Variants in DEPDC4 observed in about 807,000 individuals in gnomAD.
The protein encoded by DEPDC4 is DEP domain-containing protein 4.
DEPDC4 carries 52 observed loss-of-function variants against 52.0 expected under a neutral mutation model. The observed-to-expected ratio is 1.00, with a 90% confidence interval of 0.80 to 1.26. The LOEUF is 1.26. DEPDC4 is among the 50% of genes most tolerant of loss of function. The pLI is 0.00. For missense variants in DEPDC4, 530 were observed against 546.9 expected, an observed-to-expected ratio of 0.97 and a Z score of 0.31; for synonymous variants, 201 against 196.8, an observed-to-expected ratio of 1.02 and a Z score of -0.18.
the DEPDC4 span, among the ~76,000 whole-genome samples, chr12:100,275,346 CAT>C: frequency 1.3e-5 from 2 of 152,042 alleles, no homozygotes; most frequent in Non-Finnish European, 2.9e-5. Flanking sequence ...GGACTGCAGA[CAT>C]GTGCTACTGC....
intron 3 of DEPDC4, among the ~76,000 whole-genome samples, chr12:100,259,070 CAA>C (rs753948687): frequency 1.6e-5 from 2 of 121,688 alleles, no homozygotes; most frequent in Non-Finnish European, 1.8e-5. Flanking sequence ...AAATCTGTCT[CAA>C]AAAAAAAAAA....
At chr12:100,245,628 T>C (rs1481062496) in intron 8 of DEPDC4, among the ~76,000 whole-genome samples, 1 of 152,150 alleles carries the variant, frequency 6.6e-6, no homozygotes, top group East Asian at 1.9e-4. Context: ...TCCTAAATAT[T>C]TCTCAAACTG....
At chr12:100,269,659 G>T (rs1000755773), upstream of DEPDC4, among the ~76,000 whole-genome samples, 2 of 152,154 alleles carry the variant, frequency 1.3e-5, no homozygotes, top group African/African-American at 4.8e-5. Context: ...GTTAGGGTGG[G>T]TAGTTAGTTG....
chr12:100,275,653 C>T, the DEPDC4 span, among the ~76,000 whole-genome samples: 15 of 152,096 alleles, frequency 9.9e-5, no homozygotes, highest in South Asian at 2.1e-4. Flanking sequence ...TCTTTGCAGT[C>T]CGAATGCCTT....
chr12:100,259,544 C>T (rs2096246598), intron 3 of DEPDC4, among the ~76,000 whole-genome samples: 1 of 152,180 alleles, frequency 6.6e-6, no homozygotes. Context: ...TTACATACCT[C>T]AACTCTGAAT....
Position 100,252,284 on chromosome 12 carries a change from C to A in DEPDC4, c.1266G>T (p.Val422=), listed in dbSNP as rs1401094855. 2 of 1,436,590 alleles carry A rather than the reference C, an allele frequency of 1.4e-6. No homozygotes were observed. The highest frequency in any genetic ancestry group is 1.5e-5 in the African/African-American group (1 of 68,930). 89.0% of individuals were successfully genotyped at this position (1,436,590 alleles called of 1,614,324 possible). A position where few individuals can be genotyped will look rare whatever the true frequency, so the allele number is the denominator to read the frequency against. ...CTGATTTGGCAAGAGTTTTCAGGAC[C>A]ACTGTTTTATTATCATACTGTAAAC... The part of the protein sequence containing the change: ...KLQKQYDNKT[V]VLKTLAKSVL... The change falls in exon 7 of 10, where the codon GTG becomes GTT. Residue 422 remains valine, a synonymous_variant. Coordinates refer to ENST00000550587, the MANE Select transcript of DEPDC4 (RefSeq NM_001364818.2).
upstream of DEPDC4, among the ~76,000 whole-genome samples, chr12:100,271,260 C>CAAAAAAAAAAAAA (rs11354103): frequency 2.4e-5 from 2 of 83,338 alleles, no homozygotes; most frequent in African/African-American, 1.1e-4. Context: ...TGCAGAGCAG[C>CAAAAAAAAAAAAA]AAAAAAAAAA....
chr12:100,262,384 G>A lies in DEPDC4; in HGVS notation c.580C>T (p.Pro194Ser), dbSNP rs1220625685. The change falls in exon 3 of 10, where the codon CCT becomes TCT. Residue 194 changes from proline (P) to serine (S), a missense_variant. Pro to Ser is a moderately conservative substitution (Grantham distance 74, BLOSUM62 -1). Transcript: ENST00000550587. ...TCCTCACCAATCTCCTGTGCTAGAGGATTTGAAATCATTTCATATCCTGGT... is the reference window on the plus strand; with the variant it reads ...TCCTCACCAATCTCCTGTGCTAGAGAATTTGAAATCATTTCATATCCTGGT... The part of the protein sequence containing the change: ...LRPGYEMISN[P>S]LAQEIGEERI... The A allele has an allele frequency of 1.9e-6, 3 of 1,608,656 alleles. No individual in the cohort carries two copies. Among genetic ancestry groups the A allele is most frequent in the African/African-American group, 1.3e-5 (1 of 74,610 alleles).
downstream of DEPDC4, among the ~76,000 whole-genome samples, chr12:100,237,518 A>AT: frequency 6.6e-6 from 1 of 151,722 alleles, no homozygotes; most frequent in Non-Finnish European, 1.5e-5. Context: ...TAGGATTTTT[A>AT]TTTTTTCTAG....
chr12:100,267,422 C>T (rs1289157326), upstream of DEPDC4: 13 of 195,338 alleles, frequency 6.7e-5, no homozygotes, highest in Non-Finnish European at 1.2e-4. Flanking sequence ...CCGGCACCGA[C>T]CGACCTCCCT....
At chr12:100,276,057 C>G in the DEPDC4 span, among the ~76,000 whole-genome samples, 1 of 152,106 alleles carries the variant, frequency 6.6e-6, no homozygotes. Flanking sequence ...GTTCTAATAT[C>G]TTAAGGATTT....
downstream of DEPDC4, among the ~76,000 whole-genome samples, chr12:100,238,508 CTTTT>C (rs374449171): frequency 2.8e-5 from 3 of 107,276 alleles, no homozygotes; most frequent in Middle Eastern, 6.3e-3. Context: ...TAGCTTAGTG[CTTTT>C]TTTTTTTTTT....
chr12:100,262,102 G>A (rs1008457454), intron 3 of DEPDC4, among the ~76,000 whole-genome samples, 162 bp downstream of exon 3: 6 of 152,214 alleles, frequency 3.9e-5, no homozygotes, highest in Admixed American at 1.3e-4. Context: ...GTTGCAGGAT[G>A]TTGATAATGG....
At chr12:100,268,639 C>A (rs1333896393), upstream of DEPDC4, among the ~76,000 whole-genome samples, 2 of 151,982 alleles carry the variant, frequency 1.3e-5, no homozygotes. Flanking sequence ...TCATAAATAC[C>A]CAGTAAAATA....
At chr12:100,247,750 CT>C in intron 8 of DEPDC4, among the ~76,000 whole-genome samples, 1 of 152,148 alleles carries the variant, frequency 6.6e-6, no homozygotes, top group African/African-American at 2.4e-5. Context: ...TGGCAACATA[CT>C]TGTTGCCATA....
chr12:100,244,124 T>TATATATATATATAC (rs2096174088), intron 8 of DEPDC4, among the ~76,000 whole-genome samples: 1 of 108,478 alleles, frequency 9.2e-6, no homozygotes, highest in South Asian at 2.6e-4. Context: ...TATATATATA[T>TATATATATATATAC]ATATATATAT....
chr12:100,265,252 C>A (rs1168711550), intron 1 of DEPDC4, among the ~76,000 whole-genome samples: 1 of 151,758 alleles, frequency 6.6e-6, no homozygotes, highest in Non-Finnish European at 1.5e-5. Context: ...TGTGACCCTG[C>A]CACTGCACTC....
Position 100,252,321 on chromosome 12 carries a change from C to T in DEPDC4, c.1249-20G>A. On this transcript the variant is annotated intron_variant, in intron 6 of 9. Coordinates refer to ENST00000550587, the MANE Select transcript of DEPDC4 (RefSeq NM_001364818.2). ...ATCATACTGTAAACAGAAAGATTAA[C>T]ATTAGCATAAATGGTTTTTAGAGGA... 2.7e-6 allele frequency: 4 copies of T among 1,499,452 alleles called. No homozygotes were observed. Among genetic ancestry groups the T allele is most frequent in the Non-Finnish European group, 3.5e-6 (4 of 1,130,828 alleles). The allele number at this position is 1,499,452 out of a possible 1,614,324, so 92.9% of individuals were successfully genotyped here. A position where few individuals can be genotyped will look rare whatever the true frequency, so the allele number is the denominator to read the frequency against.
chr12:100,243,791 A>G (rs544079750), intron 8 of DEPDC4, among the ~76,000 whole-genome samples: 2 of 151,508 alleles, frequency 1.3e-5, no homozygotes, highest in African/African-American at 4.9e-5. Context: ...TTCTCTACCC[A>G]TTCTATCCTT....
Sources: gnomAD v4.1 joint callset for allele counts (sites outside exome capture counted in the v4.1 genomes callset) on GRCh38, gnomAD v4.1.1 for gene constraint, MANE v1.5 for transcripts, NCBI Gene and HGNC (gene_info 2026-07-23, HGNC 2026-07-21) for gene names.